Variants in KCNH7 observed in about 807,000 individuals in gnomAD.
KCNH7 encodes the protein potassium voltage-gated channel subfamily H member 7, also known as voltage-gated inwardly rectifying potassium channel KCNH7.
KCNH7 carries 49 observed loss-of-function variants against 120.8 expected under a neutral mutation model. The ratio of observed to expected loss-of-function variants is 0.41; its 90% confidence interval spans 0.32 to 0.51. The LOEUF is 0.51. Ranked by LOEUF, KCNH7 falls within the 20% of genes least tolerant of loss-of-function variation. The pLI is 0.38. For synonymous variants in KCNH7, 547 were observed against 516.1 expected (o/e 1.06, Z -0.81); for missense variants, 1,097 against 1,446.6 (o/e 0.76, Z 3.92).
intron 2 of KCNH7, among the ~76,000 whole-genome samples, chr2:162,634,501 G>A (rs572055322): frequency 6.6e-6 from 1 of 152,188 alleles, no homozygotes; most frequent in South Asian, 2.1e-4. Flanking sequence ...AGTAGTATCA[G>A]CTACAATTTA....
At chr2:162,433,605 T>G (rs1465944381) in intron 8 of KCNH7, among the ~76,000 whole-genome samples, 1 of 152,052 alleles carries the variant, frequency 6.6e-6, no homozygotes, top group African/African-American at 2.4e-5. Context: ...GACCCCTATC[T>G]TTCACCATCT....
At chr2:162,726,446 G>T (rs1429102165) in intron 2 of KCNH7, among the ~76,000 whole-genome samples, 3 of 152,114 alleles carry the variant, frequency 2.0e-5, no homozygotes, top group Non-Finnish European at 2.9e-5. Flanking sequence ...TTGAGATGGA[G>T]TCTTGCCCTG....
chr2:162,615,765 T>A (rs1210295433), intron 2 of KCNH7, among the ~76,000 whole-genome samples: 1 of 152,176 alleles, frequency 6.6e-6, no homozygotes, highest in Non-Finnish European at 1.5e-5. Context: ...TTTTTTTTAA[T>A]TGTGATCAGC....
At chr2:162,414,562 T>G (rs1687485094) in intron 9 of KCNH7, among the ~76,000 whole-genome samples, 1 of 151,962 alleles carries the variant, frequency 6.6e-6, no homozygotes, top group South Asian at 2.1e-4. Flanking sequence ...GGGAGAAACA[T>G]GGACTGCACA....
chr2:162,595,282 G>A (rs1169041770), intron 2 of KCNH7, among the ~76,000 whole-genome samples: 1 of 151,902 alleles, frequency 6.6e-6, no homozygotes, highest in East Asian at 1.9e-4. Flanking sequence ...CAGATCTTGT[G>A]AGACTCACTC....
At chr2:162,604,814 C>T (rs1310336585) in intron 2 of KCNH7, among the ~76,000 whole-genome samples, 1 of 152,092 alleles carries the variant, frequency 6.6e-6, no homozygotes, top group East Asian at 1.9e-4. Flanking sequence ...TGACATTTTT[C>T]TTGCCCTAGA....
intron 14 of KCNH7, among the ~76,000 whole-genome samples, chr2:162,375,723 T>C (rs139709873): frequency 1.3e-5 from 2 of 151,228 alleles, no homozygotes; most frequent in African/African-American, 4.9e-5. Flanking sequence ...ACCTCAGGAG[T>C]TTGAGACCAG....
intron 2 of KCNH7, among the ~76,000 whole-genome samples, chr2:162,670,732 CA>C (rs1221173430): frequency 6.1e-5 from 9 of 147,158 alleles, no homozygotes; most frequent in East Asian, 2.0e-4. Flanking sequence ...GAAATAAGAC[CA>C]AAAAAAACCC....
At chr2:162,380,122 A>AC in intron 13 of KCNH7, 101 bp from the exon 14 acceptor site, 5 of 1,376,724 alleles carry the variant, frequency 3.6e-6, no homozygotes, top group Non-Finnish European at 5.0e-6. Context: ...TCGGAGTATA[A>AC]CCTGAGAGAC....
intron 2 of KCNH7, among the ~76,000 whole-genome samples, chr2:162,805,598 G>T (rs934355526): frequency 6.6e-6 from 1 of 152,076 alleles, no homozygotes; most frequent in African/African-American, 2.4e-5. Flanking sequence ...TGTTGGTGTA[G>T]ATATGGTAAA....
chr2:162,377,052 A>C (rs1229575775), intron 14 of KCNH7, among the ~76,000 whole-genome samples: 1 of 152,178 alleles, frequency 6.6e-6, no homozygotes, highest in African/African-American at 2.4e-5. Context: ...TCACAGTTCT[A>C]CATTTGAACA....
chr2:162,600,862 T>A (rs1278200990), intron 2 of KCNH7, among the ~76,000 whole-genome samples: 2 of 152,058 alleles, frequency 1.3e-5, no homozygotes, highest in African/African-American at 4.8e-5. Context: ...TGATTGGAAG[T>A]GGATGCCTTA....
chr2:162,662,941 C>T (rs1685013931), intron 2 of KCNH7, among the ~76,000 whole-genome samples: 1 of 152,188 alleles, frequency 6.6e-6, no homozygotes, highest in Non-Finnish European at 1.5e-5. Flanking sequence ...TTGGGTTCTT[C>T]TTACTCCTCT....
intron 2 of KCNH7, among the ~76,000 whole-genome samples, chr2:162,820,477 C>T (rs1685081155): frequency 6.6e-6 from 1 of 151,838 alleles, no homozygotes; most frequent in Non-Finnish European, 1.5e-5. Flanking sequence ...CCTTATACCT[C>T]CATTGACTTT....
chr2:162,762,994 G>C (rs1380174105), intron 2 of KCNH7, among the ~76,000 whole-genome samples: 2 of 151,962 alleles, frequency 1.3e-5, no homozygotes, highest in Non-Finnish European at 2.9e-5. Context: ...ATGTCATCTT[G>C]AAAGTATTTT....
At chr2:162,685,549 C>G (rs1421987816) in intron 2 of KCNH7, among the ~76,000 whole-genome samples, 1 of 151,944 alleles carries the variant, frequency 6.6e-6, no homozygotes, top group Non-Finnish European at 1.5e-5. Flanking sequence ...GGCAATGGCT[C>G]TATGATGAAA....
rs145570549 is a variant in KCNH7 at position 162,536,839 on chromosome 2, G to T, written c.463+86C>A. ...TACTTCAAATATAAAGATATTTTGA[G>T]AACTGAATTGAAATGAAGACTGTAT... On this transcript the variant is annotated intron_variant, in intron 3 of 15. Transcript: ENST00000332142. 1,732 of 1,173,802 alleles carry T rather than the reference G, an allele frequency of 1.5e-3. 22 individuals are homozygous for T. In the African/African-American group the frequency reaches 0.023, roughly 15 times the overall value. The allele number at this position is 1,173,802 out of a possible 1,614,324, so 72.7% of individuals were successfully genotyped here.
At chr2:162,812,743 T>C (rs1424981659) in intron 2 of KCNH7, among the ~76,000 whole-genome samples, 1 of 151,944 alleles carries the variant, frequency 6.6e-6, no homozygotes, top group Non-Finnish European at 1.5e-5. Flanking sequence ...GAGAAATCAA[T>C]AATAATAAAA....
At chr2:162,622,368 C>A (rs565315673) in intron 2 of KCNH7, among the ~76,000 whole-genome samples, 3 of 152,176 alleles carry the variant, frequency 2.0e-5, no homozygotes, top group Non-Finnish European at 4.4e-5. Flanking sequence ...ATGTACAGAA[C>A]AGAATGGTTT....
Sources: gnomAD v4.1 joint callset for allele counts (sites outside exome capture counted in the v4.1 genomes callset) on GRCh38, gnomAD v4.1.1 for gene constraint, MANE v1.5 for transcripts, NCBI Gene and HGNC (gene_info 2026-07-23, HGNC 2026-07-21) for gene names.